The following RBM33 variants were observed in gnomAD, a reference collection of about 807,000 sequenced individuals.
The protein encoded by RBM33 is RNA-binding protein 33.
Under a neutral mutation model 132.6 loss-of-function variants are expected in RBM33, and 28 were observed. That is an observed-to-expected ratio of 0.21 (90% CI 0.16 to 0.29). The LOEUF (loss-of-function observed/expected upper bound fraction) is 0.29. Among genes scored for constraint, RBM33 ranks in the 10% least tolerant of loss-of-function variants. The pLI, the probability that RBM33 is intolerant of heterozygous loss-of-function variation, is 1.00. For missense variants in RBM33, 1,291 were observed against 1,518.5 expected, an observed-to-expected ratio of 0.85 and a Z score of 2.49; for synonymous variants, 634 against 593.0, an observed-to-expected ratio of 1.07 and a Z score of -1.01.
chr7:155,685,308 T>C (rs1247925952), intron 5 of RBM33, among the ~76,000 whole-genome samples: 4 of 152,204 alleles, frequency 2.6e-5, no homozygotes. Context: ...TTCAGAAATG[T>C]GACGTATATG....
intron 5 of RBM33, among the ~76,000 whole-genome samples, chr7:155,686,596 A>G (rs1359250256): frequency 1.3e-5 from 2 of 151,990 alleles, no homozygotes; most frequent in African/African-American, 2.4e-5. Flanking sequence ...CGTCGTTTAC[A>G]TTAGGTATAT....
At chr7:155,669,202 G>A (rs1798878378) in intron 2 of RBM33, among the ~76,000 whole-genome samples, 1 of 152,060 alleles carries the variant, frequency 6.6e-6, no homozygotes, top group Admixed American at 6.5e-5. Flanking sequence ...GAATTACTAT[G>A]GTAAGTTCTT....
Position 155,775,151 on chromosome 7 carries a change from G to A in RBM33, c.*110G>A, listed in dbSNP as rs772407171. On this transcript the variant is annotated 3_prime_UTR_variant, in exon 18 of 18. Transcript: ENST00000401878. ...GGAGCACAGGTCTCTCCGGGCCGCT[G>A]TCCTGCGTAACTGTTCTCCAGAGCG... 8.3e-6 allele frequency: 8 copies of A among 967,520 alleles called. No individual in the cohort carries two copies. The highest frequency in any genetic ancestry group is 1.3e-5 in the Non-Finnish European group (8 of 599,908). The allele number at this position is 967,520 out of a possible 1,614,324, so 59.9% of individuals were successfully genotyped here. A position where few individuals can be genotyped will look rare whatever the true frequency, so the allele number is the denominator to read the frequency against.
intron 1 of RBM33, among the ~76,000 whole-genome samples, chr7:155,653,884 T>G (rs892009090): frequency 6.6e-6 from 1 of 152,182 alleles, no homozygotes; most frequent in South Asian, 2.1e-4. Context: ...CCTGGGCACC[T>G]CATTGCAGTT....
chr7:155,758,107 A>G (rs561529366), intron 14 of RBM33, among the ~76,000 whole-genome samples: 2 of 152,296 alleles, frequency 1.3e-5, no homozygotes, highest in East Asian at 3.9e-4. Context: ...GAAGGAAAAC[A>G]ATGTCTGTAC....
intron 5 of RBM33, among the ~76,000 whole-genome samples, chr7:155,688,980 G>A (rs1399369350): frequency 1.3e-5 from 2 of 152,298 alleles, no homozygotes; most frequent in South Asian, 2.1e-4. Flanking sequence ...GATGATGCTG[G>A]CCTCATAAAA....
intron 9 of RBM33, among the ~76,000 whole-genome samples, chr7:155,732,403 C>T (rs1049807244): frequency 6.6e-6 from 1 of 152,184 alleles, no homozygotes; most frequent in African/African-American, 2.4e-5. Flanking sequence ...TCTTCCTTTT[C>T]TCTCTGGCAC....
rs1250199659 is a variant in RBM33 at position 155,763,841 on chromosome 7, A to G, written c.3009A>G (p.Pro1003=). The G allele has an allele frequency of 6.2e-7, 1 of 1,611,890 alleles. No homozygotes were observed. The highest frequency in any genetic ancestry group is 2.2e-5 in the East Asian group (1 of 44,830). Residue 1003 remains proline (P), a synonymous_variant, in exon 15 of 18, where the codon CCA becomes CCG. Coordinates refer to ENST00000401878, the MANE Select transcript of RBM33 (RefSeq NM_053043.3). The part of the protein sequence containing the change: ...GGGESDGFFH[P]EGQPQRLPQP... ...GAGAGAGCGATGGCTTTTTTCACCC[A>G]GAAGGCCAGCCCCAGCGGCTTCCCC...
intron 1 of RBM33, among the ~76,000 whole-genome samples, chr7:155,656,338 A>T: frequency 6.6e-6 from 1 of 151,068 alleles, no homozygotes; most frequent in Non-Finnish European, 1.5e-5. Context: ...TTAAAGATCC[A>T]ATAACAGTAC....
rs199907822 is a variant in RBM33 at position 155,655,999 on chromosome 7, CTG to C, written c.44-9173_44-9172del. Among the ~76,000 whole-genome samples, 879 of 152,268 alleles carry C rather than the reference CTG, an allele frequency of 5.8e-3. 8 individuals are homozygous for C. Among genetic ancestry groups the C allele is most frequent in the African/African-American group, 0.019 (810 of 41,540 alleles). On this transcript the variant is annotated intron_variant, in intron 1 of 17. Transcript: ENST00000401878. ...TTTACTTGAAAGGACAATTGACAGA[CTG>C]TGGTTATTCAGATTTTAGTGCTTGG...
rs1801174357 is a variant in RBM33 at position 155,737,670 on chromosome 7, AAG to A, written c.1393+11_1393+12del. On this transcript the variant is annotated intron_variant, in intron 10 of 17. Transcript: ENST00000401878. ...ACCCTTTCTTCTTAGGAGGTACAGAAAGAGTGAGTGGTGTGGAGTAACAACAG... is the reference window on the plus strand; with the variant it reads ...ACCCTTTCTTCTTAGGAGGTACAGAAAGTGAGTGGTGTGGAGTAACAACAG... 2 of 1,567,298 alleles carry A rather than the reference AAG, an allele frequency of 1.3e-6. No homozygotes were observed. The highest frequency in any genetic ancestry group is 1.4e-5 in the African/African-American group (1 of 72,480).
At position 155,644,733 on chromosome 7, in the gene RBM33, C is replaced by T; in HGVS notation, c.-144C>T. On this transcript the variant is annotated 5_prime_UTR_variant, in exon 1 of 18. Transcript: ENST00000401878. ...GCGGAGGCGAAGGGCCAGCTGTGGA[C>T]CGCGAAGCGCCCGGCTTCGCCTCTG... The T allele has an allele frequency of 3.2e-6, 2 of 618,514 alleles. No individual in the cohort carries two copies. Among genetic ancestry groups the T allele is most frequent in the Admixed American group, 8.4e-5 (2 of 23,908 alleles). 38.3% of individuals were successfully genotyped at this position (618,514 alleles called of 1,614,324 possible).
intron 9 of RBM33, among the ~76,000 whole-genome samples, chr7:155,720,516 T>A (rs1170163826): frequency 6.6e-6 from 1 of 152,218 alleles, no homozygotes; most frequent in African/African-American, 2.4e-5. Context: ...TTTTTCTTTT[T>A]TCTACTACTA....
At chr7:155,660,009 T>C (rs980330145) in intron 1 of RBM33, among the ~76,000 whole-genome samples, 10 of 152,342 alleles carry the variant, frequency 6.6e-5, no homozygotes, top group African/African-American at 2.4e-4. Flanking sequence ...CAGTCGTCAT[T>C]GAATTTAGTG....
At chr7:155,667,588 G>A (rs1025320311) in intron 2 of RBM33, among the ~76,000 whole-genome samples, 2 of 151,992 alleles carry the variant, frequency 1.3e-5, no homozygotes, top group African/African-American at 2.4e-5. Context: ...CTTTTATGAC[G>A]TTGACAGGCC....
Position 155,665,261 on chromosome 7 carries a change from C to T in RBM33, c.122+8C>T. The stretch of plus-strand genomic sequence containing the variant: ...TGATGAGGACTGGGACAGGTACGTG[C>T]ACCCTGTGCTTCACCTAACTGCCTG... On this transcript the variant is annotated splice_region_variant and intron_variant, in intron 2 of 17. Coordinates refer to ENST00000401878, the MANE Select transcript of RBM33 (RefSeq NM_053043.3). The T allele has an allele frequency of 6.2e-7, 1 of 1,611,848 alleles. No individual in the cohort carries two copies. The highest frequency in any genetic ancestry group is 8.5e-7 in the Non-Finnish European group (1 of 1,177,992).
intron 14 of RBM33, among the ~76,000 whole-genome samples, chr7:155,753,671 G>T (rs1801756287): frequency 6.6e-6 from 1 of 152,236 alleles, no homozygotes; most frequent in Non-Finnish European, 1.5e-5. Flanking sequence ...GTTCTGGGAA[G>T]ACTAGGCAGG....
In RBM33 at chr7:155,752,828, C is replaced by T. The variant is rs113175298; in HGVS notation, c.2979+7226C>T. On this transcript the variant is annotated intron_variant, in intron 14 of 17. Transcript: ENST00000401878. ...AGCTCAAGTGGGTCGTCTTCTGGGA[C>T]GCCTCCCTGGATGGCCGCTCCCACG... 1.4e-4 allele frequency among the ~76,000 whole-genome samples: 22 copies of T among 152,234 alleles called. 2 individuals are homozygous for T. The highest frequency in any genetic ancestry group is 4.8e-4 in the African/African-American group (20 of 41,540).
chr7:155,739,669 T>C, intron 11 of RBM33, 46 bp from the exon 12 acceptor site: 1 of 1,496,118 alleles, frequency 6.7e-7, no homozygotes, highest in South Asian at 1.3e-5. Flanking sequence ...TTATGCCCGG[T>C]GTAACCATTT....
Sources: gnomAD v4.1 joint callset for allele counts (sites outside exome capture counted in the v4.1 genomes callset) on GRCh38, gnomAD v4.1.1 for gene constraint, MANE v1.5 for transcripts, NCBI Gene and HGNC (gene_info 2026-07-23, HGNC 2026-07-21) for gene names.